Variants in KCNK2 observed in about 807,000 individuals in gnomAD.
KCNK2 encodes the protein potassium channel subfamily K member 2.
KCNK2 carries 21 observed loss-of-function variants against 40.5 expected under a neutral mutation model. The ratio of observed to expected loss-of-function variants is 0.52; its 90% confidence interval spans 0.37 to 0.75. The LOEUF is 0.75. Among genes scored for constraint, KCNK2 ranks in the 30% least tolerant of loss-of-function variants. The probability of loss-of-function intolerance (pLI) is 0.00; values close to 1 mark genes in which losing one functional copy is unlikely to be tolerated. For missense variants in KCNK2, 399 were observed against 531.6 expected (o/e 0.75, Z 2.45); for synonymous variants, 191 against 202.2 (o/e 0.94, Z 0.47).
intron 1 of KCNK2, among the ~76,000 whole-genome samples, chr1:215,017,358 G>A (rs533788221): frequency 1.6e-3 from 236 of 152,228 alleles, no homozygotes; most frequent in African/African-American, 5.5e-3. Flanking sequence ...ATCAGCAGAT[G>A]AATTGGTAAA....
At chr1:215,007,485 CAA>C (rs998229034) in intron 1 of KCNK2, among the ~76,000 whole-genome samples, 1 of 151,732 alleles carries the variant, frequency 6.6e-6, no homozygotes, top group Non-Finnish European at 1.5e-5. Context: ...AGAAGAGAAA[CAA>C]GAGGTATGGA....
At chr1:215,085,625 A>G (rs1034478309) in intron 1 of KCNK2, among the ~76,000 whole-genome samples, 16 of 152,198 alleles carry the variant, frequency 1.1e-4, no homozygotes, top group Non-Finnish European at 2.4e-4. Flanking sequence ...AAAGGAAGTT[A>G]CTTGTCTTCT....
At chr1:215,117,967 T>C (rs1300800897) in intron 2 of KCNK2, among the ~76,000 whole-genome samples, 1 of 152,034 alleles carries the variant, frequency 6.6e-6, no homozygotes, top group Non-Finnish European at 1.5e-5. Context: ...GAGTGTCTTG[T>C]GTAAATGATG....
chr1:215,043,460 A>G lies in KCNK2; in HGVS notation c.34+37505A>G, dbSNP rs114159837. Among the ~76,000 whole-genome samples the G allele has an allele frequency of 2.4e-3, 367 of 152,372 alleles. 1 individual carries two copies. The highest frequency in any genetic ancestry group is 8.4e-3 in the African/African-American group (351 of 41,594). On this transcript the variant is annotated intron_variant, in intron 1 of 6. Transcript: ENST00000391895. ...ATATGCATACAATGGAATATTACTC[A>G]GCCTTCAAAAGGAAGGAAATTCTGA...
intron 6 of KCNK2, among the ~76,000 whole-genome samples, chr1:215,220,797 C>G (rs1278945308): frequency 7.4e-6 from 1 of 134,326 alleles, no homozygotes; most frequent in Non-Finnish European, 1.6e-5. Flanking sequence ...ATAATGAATG[C>G]ATATTATGGC....
At chr1:215,075,535 A>G (rs1396663293) in intron 1 of KCNK2, among the ~76,000 whole-genome samples, 1 of 152,194 alleles carries the variant, frequency 6.6e-6, no homozygotes, top group Non-Finnish European at 1.5e-5. Flanking sequence ...ATCCCCAAAT[A>G]CTGGAAAATC....
intron 1 of KCNK2, among the ~76,000 whole-genome samples, chr1:215,044,280 T>C (rs1271508429): frequency 6.6e-6 from 1 of 152,168 alleles, no homozygotes; most frequent in Non-Finnish European, 1.5e-5. Context: ...ATTATACCCT[T>C]CTTGGTGCTT....
intron 2 of KCNK2, among the ~76,000 whole-genome samples, chr1:215,122,137 T>C (rs1661215926): frequency 6.6e-6 from 1 of 152,160 alleles, no homozygotes; most frequent in African/African-American, 2.4e-5. Context: ...ATATGGTATA[T>C]ATAATCAGTA....
chr1:215,178,310 A>G (rs1238583616), intron 5 of KCNK2, among the ~76,000 whole-genome samples: 1 of 152,158 alleles, frequency 6.6e-6, no homozygotes, highest in African/African-American at 2.4e-5. Flanking sequence ...GTGAAGAAAG[A>G]TAGTTTAACT....
At position 215,029,672 on chromosome 1, in the gene KCNK2, T is replaced by G; in HGVS notation, c.34+23717T>G. 2.0e-5 allele frequency among the ~76,000 whole-genome samples: 3 copies of G among 148,780 alleles called. No individual in the cohort carries two copies. The Admixed American group carries it at 2.0e-4, about 10-fold the overall frequency. On this transcript the variant is annotated intron_variant, in intron 1 of 6. Transcript: ENST00000391895. ...TTAATATATTTGGATATACTTAAAT[T>G]TCAAAAACAGAATATTATTTTTAAA... is the stretch of plus-strand genomic sequence containing the variant.
At chr1:215,227,528 C>A (rs1666432711) in intron 6 of KCNK2, among the ~76,000 whole-genome samples, 1 of 152,070 alleles carries the variant, frequency 6.6e-6, no homozygotes. Flanking sequence ...GCAGGTAAGC[C>A]CTAGATTACA....
At chr1:215,082,276 G>A (rs1659190047), upstream of KCNK2, 1 of 152,334 alleles carries the variant, frequency 6.6e-6, no homozygotes, top group Admixed American at 6.5e-5. Flanking sequence ...ACTGGAAGAA[G>A]CCAGGGTCTT....
chr1:215,136,150 G>T (rs969622597), intron 3 of KCNK2, among the ~76,000 whole-genome samples: 5 of 151,730 alleles, frequency 3.3e-5, no homozygotes, highest in African/African-American at 9.7e-5. Context: ...TGTCGCCCAG[G>T]TGTAGCATGA....
chr1:215,161,379 G>A (rs1663186304), intron 3 of KCNK2, among the ~76,000 whole-genome samples: 1 of 151,152 alleles, frequency 6.6e-6, no homozygotes, highest in Admixed American at 6.6e-5. Context: ...CTGCTACTTG[G>A]GAAACTTTTT....
intron 6 of KCNK2, among the ~76,000 whole-genome samples, chr1:215,198,126 A>T (rs1458929101): frequency 6.6e-6 from 1 of 152,212 alleles, no homozygotes; most frequent in Non-Finnish European, 1.5e-5. Flanking sequence ...CTAGTTAAAC[A>T]TTGCAGGGTT....
chr1:215,101,952 C>T (rs1660240022), intron 2 of KCNK2, among the ~76,000 whole-genome samples: 3 of 151,774 alleles, frequency 2.0e-5, no homozygotes, highest in Admixed American at 6.6e-5. Context: ...ATACTGTTTC[C>T]ATTATGTTAT....
At chr1:215,075,785 A>G (rs971318844) in intron 1 of KCNK2, among the ~76,000 whole-genome samples, 16 of 152,334 alleles carry the variant, frequency 1.1e-4, no homozygotes, top group Non-Finnish European at 1.8e-4. Context: ...AGCACTGCCC[A>G]GTTTCTCACA....
At chr1:215,196,941 C>T (rs1298343793) in intron 6 of KCNK2, among the ~76,000 whole-genome samples, 3 of 152,082 alleles carry the variant, frequency 2.0e-5, no homozygotes, top group African/African-American at 7.2e-5. Context: ...TGAGCAGAAC[C>T]TATTTCATAC....
At chr1:215,179,157 G>A (rs530292263) in intron 5 of KCNK2, among the ~76,000 whole-genome samples, 2 of 151,944 alleles carry the variant, frequency 1.3e-5, no homozygotes, top group Non-Finnish European at 2.9e-5. Context: ...GTTCATGATA[G>A]TCTCTGAGAA....
Sources: gnomAD v4.1 joint callset for allele counts (sites outside exome capture counted in the v4.1 genomes callset) on GRCh38, gnomAD v4.1.1 for gene constraint, MANE v1.5 for transcripts, NCBI Gene and HGNC (gene_info 2026-07-23, HGNC 2026-07-21) for gene names.